Variants in CSMD2 observed in about 807,000 individuals in gnomAD.
The protein encoded by CSMD2 is CUB and Sushi multiple domains 2.
CSMD2 carries 130 observed loss-of-function variants against 398.5 expected under a neutral mutation model. That is an observed-to-expected ratio of 0.33 (90% CI 0.28 to 0.38). The LOEUF is 0.38. Among genes scored for constraint, CSMD2 ranks in the 10% least tolerant of loss-of-function variants. CSMD2 has a pLI of 1.00. For missense variants in CSMD2, 3,829 were observed against 4,764.9 expected (o/e 0.80, Z 5.78); for synonymous variants, 1,828 against 1,908.5 (o/e 0.96, Z 1.10).
chr1:33,732,020 T>A (rs892416426), intron 15 of CSMD2, among the ~76,000 whole-genome samples: 1 of 152,194 alleles, frequency 6.6e-6, no homozygotes, highest in Admixed American at 6.5e-5. Flanking sequence ...ACATGTGGGT[T>A]CATTATACTA....
Position 33,658,189 on chromosome 1 carries a change from C to T in CSMD2, c.4256-52G>A, listed in dbSNP as rs1348400118. On this transcript the variant is annotated intron_variant, in intron 26 of 70. Coordinates refer to ENST00000373381, the MANE Select transcript of CSMD2 (RefSeq NM_001281956.2). ...TAAGGTCGCCTGGGTGTCTGCCACT[C>T]AGGAGGCTCCCAGCTCATCACCCTC... 2.0e-6 allele frequency: 3 copies of T among 1,515,502 alleles called. No homozygotes were observed. In the East Asian group the frequency reaches 6.8e-5, roughly 34 times the overall value. 93.9% of individuals were successfully genotyped at this position (1,515,502 alleles called of 1,614,324 possible). A position where few individuals can be genotyped will look rare whatever the true frequency, so the allele number is the denominator to read the frequency against.
At chr1:33,970,517 T>C (rs1645722788) in intron 3 of CSMD2, among the ~76,000 whole-genome samples, 1 of 152,208 alleles carries the variant, frequency 6.6e-6, no homozygotes, top group Admixed American at 6.5e-5. Context: ...CAGATGATAC[T>C]ACAGGTGCTC....
intron 1 of CSMD2, among the ~76,000 whole-genome samples, chr1:34,152,701 T>C (rs1166960048): frequency 2.6e-5 from 4 of 152,150 alleles, no homozygotes; most frequent in African/African-American, 9.7e-5. Context: ...TCCCTCTTCT[T>C]TTATAAAAAT....
At chr1:33,662,127 T>A (rs1644157404) in intron 26 of CSMD2, among the ~76,000 whole-genome samples, 1 of 152,180 alleles carries the variant, frequency 6.6e-6, no homozygotes. Flanking sequence ...CATACTGGGA[T>A]TTGGATGTTT....
chr1:34,094,445 T>A (rs980636871), intron 1 of CSMD2, among the ~76,000 whole-genome samples: 37 of 152,028 alleles, frequency 2.4e-4, no homozygotes, highest in African/African-American at 8.7e-4. Context: ...AATGCTCCAA[T>A]TAAAAGACAC....
chr1:33,760,348 G>A (rs1386190670), intron 13 of CSMD2, among the ~76,000 whole-genome samples: 1 of 152,154 alleles, frequency 6.6e-6, no homozygotes, highest in African/African-American at 2.4e-5. Flanking sequence ...CAGCTCACAG[G>A]AAAGATTCTG....
At chr1:33,644,829 G>T (rs984929883) in intron 29 of CSMD2, among the ~76,000 whole-genome samples, 2 of 152,124 alleles carry the variant, frequency 1.3e-5, no homozygotes, top group African/African-American at 4.8e-5. Flanking sequence ...AAGAGGGTTT[G>T]GGCCCAGGAG....
intron 5 of CSMD2, chr1:33,863,934 A>G (rs1447460180): frequency 2.4e-6 from 1 of 411,588 alleles, no homozygotes; most frequent in Non-Finnish European, 4.3e-6. Context: ...ACCCTCAAGT[A>G]ACCAACCAAT....
At chr1:33,806,173 T>TAGAAATG (rs1409295756) in intron 10 of CSMD2, among the ~76,000 whole-genome samples, 2 of 152,126 alleles carry the variant, frequency 1.3e-5, no homozygotes, top group African/African-American at 4.8e-5. Flanking sequence ...GAAGGTGAAT[T>TAGAAATG]AGAAATGAGC....
intron 12 of CSMD2, among the ~76,000 whole-genome samples, chr1:33,787,724 C>T (rs983052385): frequency 5.3e-5 from 8 of 152,170 alleles, no homozygotes; most frequent in African/African-American, 1.9e-4. Flanking sequence ...GATGGCTTCT[C>T]CTTCCACCTT....
At chr1:33,992,126 G>A (rs930551492) in intron 3 of CSMD2, among the ~76,000 whole-genome samples, 2 of 152,148 alleles carry the variant, frequency 1.3e-5, no homozygotes, top group African/African-American at 2.4e-5. Context: ...TAGTGGGAGT[G>A]TAAACAAGCT....
In CSMD2 at chr1:34,121,836, A is replaced by G. The variant is rs377180900; in HGVS notation, c.188-32643T>C. 1.8e-3 allele frequency among the ~76,000 whole-genome samples: 274 copies of G among 152,078 alleles called. 1 individual carries two copies. The highest frequency in any genetic ancestry group is 6.2e-3 in the African/African-American group (258 of 41,482). On this transcript the variant is annotated intron_variant, in intron 1 of 70. Transcript: ENST00000373381. ...TTTGGACCCTGTAGGCCTTCTTTCC[A>G]GCTGTTGTCCCCTTTCTCCACAACC...
chr1:33,744,461 T>C (rs970810593), intron 13 of CSMD2, among the ~76,000 whole-genome samples: 1 of 152,160 alleles, frequency 6.6e-6, no homozygotes, highest in Non-Finnish European at 1.5e-5. Flanking sequence ...CCACGTCCTG[T>C]TCTCTCTCCC....
At chr1:34,088,945 G>A (rs1195047153) in intron 2 of CSMD2, 32 bp downstream of exon 2, 1 of 1,579,936 alleles carries the variant, frequency 6.3e-7, no homozygotes, top group African/African-American at 1.3e-5. Context: ...TAGCCCAGCT[G>A]TTTGCTACAG....
chr1:34,130,155 T>C (rs1663188092), intron 1 of CSMD2, among the ~76,000 whole-genome samples: 1 of 152,096 alleles, frequency 6.6e-6, no homozygotes, highest in Non-Finnish European at 1.5e-5. Flanking sequence ...GTAGTCATCC[T>C]CATGCAGCTT....
chr1:33,795,539 T>G (rs913406318), intron 10 of CSMD2, among the ~76,000 whole-genome samples: 5 of 152,204 alleles, frequency 3.3e-5, no homozygotes, highest in Non-Finnish European at 7.3e-5. Context: ...CAGGGCAGCC[T>G]ATTCATGACC....
At chr1:34,015,064 G>T (rs945242616) in intron 3 of CSMD2, among the ~76,000 whole-genome samples, 1 of 152,196 alleles carries the variant, frequency 6.6e-6, no homozygotes, top group African/African-American at 2.4e-5. Context: ...AGAAAAGAAG[G>T]AAGTCCTCCT....
rs116432377 is a variant in CSMD2 at position 33,909,921 on chromosome 1, G to T, written c.920+8173C>A. Among the ~76,000 whole-genome samples, 1,236 of 152,160 alleles carry T rather than the reference G, an allele frequency of 8.1e-3. 10 individuals carry two copies. The highest frequency in any genetic ancestry group is 0.028 in the African/African-American group (1,178 of 41,516). The stretch of plus-strand genomic sequence containing the variant: ...TCATTTTGTGCTGGAGAGACCAATG[G>T]GCATTGCCATTCCCCACTCCACCCC... On this transcript the variant is annotated intron_variant, in intron 5 of 70. Transcript: ENST00000373381.
chr1:33,750,356 C>T (rs1202417334), intron 13 of CSMD2, among the ~76,000 whole-genome samples: 2 of 152,166 alleles, frequency 1.3e-5, no homozygotes, highest in African/African-American at 2.4e-5. Context: ...TGTATCTCAA[C>T]TCATTAACTC....
Sources: gnomAD v4.1 joint callset for allele counts (sites outside exome capture counted in the v4.1 genomes callset) on GRCh38, gnomAD v4.1.1 for gene constraint, MANE v1.5 for transcripts, NCBI Gene and HGNC (gene_info 2026-07-23, HGNC 2026-07-21) for gene names.